NOL4: variants seen among roughly 807,000 people sequenced by gnomAD.
NOL4 encodes the protein nucleolar protein 4, also known as cancer/testis antigen 125.
A neutral mutation model predicts 75.9 loss-of-function variants in NOL4; 17 were observed. The observed-to-expected ratio is 0.22, with a 90% CI of 0.15 to 0.34. The LOEUF is 0.34. NOL4 is among the 10% of genes least tolerant of loss of function. The pLI, the probability that NOL4 is intolerant of heterozygous loss-of-function variation, is 1.00. For synonymous variants in NOL4, 292 were observed against 289.9 expected, an observed-to-expected ratio of 1.01 and a Z score of -0.07; for missense variants, 614 against 793.5, an observed-to-expected ratio of 0.77 and a Z score of 2.72.
intron 10 of NOL4, among the ~76,000 whole-genome samples, chr18:33,859,247 T>C (rs888308379): frequency 2.0e-5 from 3 of 152,144 alleles, no homozygotes; most frequent in African/African-American, 7.2e-5. Flanking sequence ...ATTCCATAAA[T>C]CTAGTTATGT....
chr18:34,053,927 T>A (rs73957419), intron 5 of NOL4, among the ~76,000 whole-genome samples: 2,468 of 152,018 alleles, frequency 0.016, 61 homozygotes, highest in African/African-American at 0.056. Flanking sequence ...CAACTGACAA[T>A]CAAGTATACT....
intron 1 of NOL4, among the ~76,000 whole-genome samples, chr18:34,159,881 CCT>C (rs1441749063): frequency 6.6e-6 from 1 of 152,114 alleles, no homozygotes; most frequent in Non-Finnish European, 1.5e-5. Context: ...TCGCTGTAGG[CCT>C]CTCAGCGGGA....
chr18:34,222,834 T>A, intron 1 of NOL4, 156 bp downstream of exon 1: 1 of 933,824 alleles, frequency 1.1e-6, no homozygotes, highest in Non-Finnish European at 1.6e-6. Context: ...GCCTGGCTAA[T>A]GCGAGTGGGG....
Position 34,166,865 on chromosome 18 carries a change from G to T in NOL4, c.265-36845C>A, listed in dbSNP as rs1358075006. Among the ~76,000 whole-genome samples the T allele has an allele frequency of 4.8e-5, 3 of 61,868 alleles. 1 individual carries two copies. Among genetic ancestry groups the T allele is most frequent in the African/African-American group, 1.7e-4 (3 of 17,446 alleles). The allele number at this position is 61,868 out of a possible 152,430, so 40.6% of individuals were successfully genotyped here. On this transcript the variant is annotated intron_variant, in intron 1 of 10. Coordinates refer to ENST00000261592, the MANE Select transcript of NOL4 (RefSeq NM_003787.5). ...ATCCTGGCTAACAAGGTGAAACCCCGTCTCTACTAAAAAATACAAAAAATT... is the reference window on the plus strand; with the variant it reads ...ATCCTGGCTAACAAGGTGAAACCCCTTCTCTACTAAAAAATACAAAAAATT...
At chr18:34,183,818 A>C (rs1009535823) in intron 1 of NOL4, among the ~76,000 whole-genome samples, 1 of 151,938 alleles carries the variant, frequency 6.6e-6, no homozygotes, top group Non-Finnish European at 1.5e-5. Flanking sequence ...GCTGTCTACA[A>C]AAAGGAAGAA....
Position 33,869,005 on chromosome 18 carries a change from TA to T in NOL4, c.1723+14238del, listed in dbSNP as rs1328341820. Among the ~76,000 whole-genome samples the T allele has an allele frequency of 2.0e-5, 3 of 151,838 alleles. No homozygotes were observed. The East Asian group carries it at 5.8e-4, about 29-fold the overall frequency. On this transcript the variant is annotated intron_variant, in intron 10 of 10. Transcript: ENST00000261592. ...GTCTCACTGTTTTAAAGTACAACAT[TA>T]AAAAAATGGTCCTCTTTTTGGCAAT...
chr18:34,054,334 T>G (rs191830433), intron 5 of NOL4, among the ~76,000 whole-genome samples: 41 of 152,056 alleles, frequency 2.7e-4, no homozygotes, highest in African/African-American at 9.1e-4. Flanking sequence ...CTGCTGTATG[T>G]TCCTTCCTTC....
intron 5 of NOL4, among the ~76,000 whole-genome samples, chr18:34,057,969 A>G (rs1204962980): frequency 6.6e-6 from 1 of 152,096 alleles, no homozygotes; most frequent in African/African-American, 2.4e-5. Context: ...TCAGCTGTTG[A>G]TAATTTTCCA....
At chr18:34,180,333 GA>G (rs1369139677) in intron 1 of NOL4, among the ~76,000 whole-genome samples, 2 of 151,450 alleles carry the variant, frequency 1.3e-5, no homozygotes, top group Non-Finnish European at 3.0e-5. Context: ...AAAGCTGATG[GA>G]ATAGATAAAA....
intron 10 of NOL4, among the ~76,000 whole-genome samples, chr18:33,871,250 A>G (rs2063687045): frequency 6.6e-6 from 1 of 151,972 alleles, no homozygotes; most frequent in Non-Finnish European, 1.5e-5. Context: ...GCATGACTAC[A>G]CTCTTGGAAT....
intron 1 of NOL4, among the ~76,000 whole-genome samples, chr18:34,176,793 A>G (rs2033589070): frequency 6.6e-6 from 1 of 152,110 alleles, no homozygotes; most frequent in Non-Finnish European, 1.5e-5. Context: ...TTCCAGAACT[A>G]TGAGAAAATT....
At chr18:34,005,258 C>G (rs1172556516) in intron 6 of NOL4, among the ~76,000 whole-genome samples, 1 of 152,024 alleles carries the variant, frequency 6.6e-6, no homozygotes, top group Non-Finnish European at 1.5e-5. Context: ...TCCATCTACT[C>G]CATCTCTCTC....
chr18:33,868,442 C>T (rs1056027093), intron 10 of NOL4, among the ~76,000 whole-genome samples: 1 of 151,914 alleles, frequency 6.6e-6, no homozygotes, highest in Non-Finnish European at 1.5e-5. Context: ...TACAATTAAC[C>T]ATCACATTTA....
At chr18:34,090,092 T>C (rs567563801) in intron 5 of NOL4, among the ~76,000 whole-genome samples, 1 of 152,268 alleles carries the variant, frequency 6.6e-6, no homozygotes, top group East Asian at 1.9e-4. Context: ...GGGTGTGTAT[T>C]TGTAAACAGG....
intron 4 of NOL4, among the ~76,000 whole-genome samples, chr18:34,095,441 T>G (rs1225541496): frequency 1.3e-5 from 2 of 152,078 alleles, no homozygotes; most frequent in Non-Finnish European, 2.9e-5. Context: ...TTACTTTCTG[T>G]GATGTCATAG....
chr18:33,889,371 A>G (rs781243715), intron 9 of NOL4, among the ~76,000 whole-genome samples: 84 of 152,248 alleles, frequency 5.5e-4, no homozygotes, highest in Non-Finnish European at 6.0e-4. Context: ...AATTGAGGCA[A>G]TAATTAATAG....
chr18:33,893,944 C>T (rs1469965834), intron 9 of NOL4, among the ~76,000 whole-genome samples: 1 of 152,070 alleles, frequency 6.6e-6, no homozygotes, highest in Non-Finnish European at 1.5e-5. Flanking sequence ...TTTGCCTTTG[C>T]TACCTCTAAG....
intron 10 of NOL4, among the ~76,000 whole-genome samples, chr18:33,870,746 C>T (rs1258216909): frequency 1.3e-5 from 2 of 151,632 alleles, no homozygotes; most frequent in Non-Finnish European, 2.9e-5. Context: ...ACACAAAAGA[C>T]ATAATAACCT....
At chr18:34,181,248 G>C (rs942985799) in intron 1 of NOL4, among the ~76,000 whole-genome samples, 5 of 151,492 alleles carry the variant, frequency 3.3e-5, no homozygotes, top group Non-Finnish European at 5.9e-5. Flanking sequence ...ATGTAATTGA[G>C]CATCCAAAAG....
Sources: gnomAD v4.1 joint callset for allele counts (sites outside exome capture counted in the v4.1 genomes callset) on GRCh38, gnomAD v4.1.1 for gene constraint, MANE v1.5 for transcripts, NCBI Gene and HGNC (gene_info 2026-07-23, HGNC 2026-07-21) for gene names.